Variants in LRP1B observed in about 807,000 individuals in gnomAD.
LRP1B encodes LDL receptor related protein 1B.
Under a neutral mutation model 556.6 loss-of-function variants are expected in LRP1B, and 217 were observed. That is an observed-to-expected ratio of 0.39 (90% confidence interval 0.35 to 0.44). The LOEUF (loss-of-function observed/expected upper bound fraction) is 0.44, where lower values mean the gene tolerates loss of function less well. LRP1B is among the 20% of genes least tolerant of loss of function. LRP1B has a pLI of 1.00. For synonymous variants in LRP1B, 2,047 were observed against 1,865.8 expected, an observed-to-expected ratio of 1.10 and a Z score of -2.50; for missense variants, 5,053 against 5,620.8, an observed-to-expected ratio of 0.90 and a Z score of 3.23.
chr2:140,636,109 G>A (rs1324421025), intron 41 of LRP1B, among the ~76,000 whole-genome samples: 5 of 152,054 alleles, frequency 3.3e-5, no homozygotes, highest in Admixed American at 1.3e-4. Context: ...ACTAAGCTAG[G>A]ATTATTGGAG....
At chr2:141,550,348 C>G (rs1019664446) in intron 2 of LRP1B, among the ~76,000 whole-genome samples, 3 of 152,094 alleles carry the variant, frequency 2.0e-5, no homozygotes, top group African/African-American at 7.2e-5. Flanking sequence ...CACTTCAGCT[C>G]CTGGAATAAG....
intron 1 of LRP1B, among the ~76,000 whole-genome samples, chr2:141,981,840 A>G (rs999599398): frequency 2.0e-5 from 3 of 152,102 alleles, no homozygotes; most frequent in African/African-American, 7.2e-5. Flanking sequence ...AAGGTAATTA[A>G]AAAGGAGGTG....
rs78071358 is a variant in LRP1B, at chr2:140,895,218, A to G, written c.3766+7702T>C. Among the ~76,000 whole-genome samples, 28 of 152,346 alleles carry G rather than the reference A, an allele frequency of 1.8e-4. No individual in the cohort carries two copies. In the East Asian group the frequency reaches 5.4e-3, roughly 29 times the overall value. ...ATAATGAAAAAAATAGAGAATAAGA[A>G]CAAAAAAATGTGAAAATACAATCTG... On this transcript the variant is annotated intron_variant, in intron 23 of 90. Transcript: ENST00000389484.
chr2:141,753,219 G>T (rs1694183303), intron 2 of LRP1B, among the ~76,000 whole-genome samples: 1 of 109,562 alleles, frequency 9.1e-6, no homozygotes, highest in South Asian at 3.0e-4. Context: ...TTGCACTCCA[G>T]CCTGGGCAAC....
intron 79 of LRP1B, among the ~76,000 whole-genome samples, chr2:140,326,539 A>C (rs1680487459): frequency 6.6e-6 from 1 of 151,764 alleles, no homozygotes; most frequent in African/African-American, 2.4e-5. Context: ...ACATGGTGAA[A>C]CCCTGTCTCT....
At chr2:140,368,072 C>G (rs1266998163) in intron 71 of LRP1B, among the ~76,000 whole-genome samples, 4 of 151,532 alleles carry the variant, frequency 2.6e-5, no homozygotes, top group African/African-American at 9.7e-5. Context: ...AAAATTTGCA[C>G]TAAAAAAATG....
At position 140,871,022 on chromosome 2, in the gene LRP1B, G is replaced by A. The variant is rs570795395; in HGVS notation, c.4170-2759C>T. On this transcript the variant is annotated intron_variant, in intron 25 of 90. Transcript: ENST00000389484. ...GTAATTACATATGCTAAAAGAGTAT[G>A]GCAAAAAGGGAAGAAAGATGAGAGT... is the stretch of plus-strand genomic sequence containing the variant. Among the ~76,000 whole-genome samples the A allele has an allele frequency of 2.6e-5, 4 of 152,018 alleles. No individual in the cohort carries two copies. In the South Asian group the frequency reaches 6.2e-4, roughly 24 times the overall value.
At chr2:140,360,411 G>A (rs912184582) in intron 72 of LRP1B, among the ~76,000 whole-genome samples, 8 of 151,294 alleles carry the variant, frequency 5.3e-5, no homozygotes, top group African/African-American at 1.2e-4. Context: ...GTCACCTCAC[G>A]TTTGAAAACA....
At chr2:142,030,794 G>A (rs1266396036) in intron 1 of LRP1B, among the ~76,000 whole-genome samples, 1 of 151,764 alleles carries the variant, frequency 6.6e-6, no homozygotes, top group East Asian at 1.9e-4. Context: ...GGCAGCCCTT[G>A]GTTATGTTAG....
intron 6 of LRP1B, among the ~76,000 whole-genome samples, chr2:141,189,783 G>A (rs56090976): frequency 0.045 from 6,764 of 151,876 alleles, 512 homozygotes; most frequent in African/African-American, 0.16. Flanking sequence ...AAATGACATA[G>A]GTAGCTAGTG....
At position 142,115,555 on chromosome 2, in the gene LRP1B, T is replaced by TAC. The variant is rs1491520896; in HGVS notation, c.82+15092_82+15093insGT. ...TATATTACATATGTAATATATATAT[T>TAC]ATATATGTAATATATATTATATATG... On this transcript the variant is annotated intron_variant, in intron 1 of 90. Coordinates refer to ENST00000389484, the MANE Select transcript of LRP1B (RefSeq NM_018557.3). Among the ~76,000 whole-genome samples the TAC allele has an allele frequency of 4.3e-4, 8 of 18,734 alleles. 1 individual carries two copies. The highest frequency in any genetic ancestry group is 1.1e-3 in the Non-Finnish European group (8 of 7,454). 12.3% of individuals were successfully genotyped at this position (18,734 alleles called of 152,430 possible).
At position 141,978,466 on chromosome 2, in the gene LRP1B, G is replaced by T. The variant is rs531505062; in HGVS notation, c.82+152182C>A. ...TTAATAACTTATAGAGTTTAACAAG[G>T]TGTCTAAAAATAAGCTTATATTTCT... On this transcript the variant is annotated intron_variant, in intron 1 of 90. Transcript: ENST00000389484. Among the ~76,000 whole-genome samples, 6 of 151,944 alleles carry T rather than the reference G, an allele frequency of 3.9e-5. No individual in the cohort carries two copies. The East Asian group carries it at 7.7e-4, about 20-fold the overall frequency.
chr2:141,618,723 G>A (rs1487666545), intron 2 of LRP1B, among the ~76,000 whole-genome samples: 1 of 152,102 alleles, frequency 6.6e-6, no homozygotes, highest in East Asian at 1.9e-4. Flanking sequence ...TTGGTGTGTT[G>A]AGCTTACCTG....
At chr2:141,615,200 ATTTAG>A (rs933514373) in intron 2 of LRP1B, among the ~76,000 whole-genome samples, 6 of 152,236 alleles carry the variant, frequency 3.9e-5, no homozygotes, top group African/African-American at 1.4e-4. Flanking sequence ...AAACTTAGAT[ATTTAG>A]TTGAGGATAT....
intron 1 of LRP1B, among the ~76,000 whole-genome samples, chr2:142,064,713 T>A (rs1368888298): frequency 6.6e-6 from 1 of 151,582 alleles, no homozygotes; most frequent in Non-Finnish European, 1.5e-5. Context: ...ATACACTGAG[T>A]ACATGTACAC....
intron 18 of LRP1B, among the ~76,000 whole-genome samples, chr2:140,969,420 A>T (rs916648318): frequency 8.2e-4 from 124 of 151,678 alleles, no homozygotes; most frequent in Non-Finnish European, 1.3e-3. Flanking sequence ...CCTATGTGTG[A>T]CTCTGCATGT....
At chr2:141,057,771 G>A (rs372298559) in intron 9 of LRP1B, among the ~76,000 whole-genome samples, 19 of 151,796 alleles carry the variant, frequency 1.3e-4, no homozygotes, top group East Asian at 2.0e-4. Context: ...TCTTGGGTAC[G>A]TCTTTATCAG....
intron 1 of LRP1B, among the ~76,000 whole-genome samples, chr2:141,828,858 T>C (rs1427330111): frequency 6.6e-6 from 1 of 151,762 alleles, no homozygotes; most frequent in Non-Finnish European, 1.5e-5. Flanking sequence ...GGATAAAAGC[T>C]ATGAAATTAA....
At chr2:140,790,404 G>T (rs1690074670) in intron 32 of LRP1B, among the ~76,000 whole-genome samples, 1 of 152,118 alleles carries the variant, frequency 6.6e-6, no homozygotes, top group African/African-American at 2.4e-5. Flanking sequence ...ATTATTATCC[G>T]CCAGAGCCTG....
Sources: allele counts gnomAD v4.1 joint callset (sites outside exome capture counted in the v4.1 genomes callset), GRCh38; gene constraint gnomAD v4.1.1; transcripts MANE v1.5; gene names NCBI Gene and HGNC (gene_info 2026-07-23, HGNC 2026-07-21).